NXPE2: variants seen among roughly 807,000 people sequenced by gnomAD.
NXPE2 encodes the protein neurexophilin and PC-esterase domain family member 2, also known as NXPE family member 2.
Under a neutral mutation model 34.4 loss-of-function variants are expected in NXPE2, and 34 were observed. The ratio of observed to expected loss-of-function variants is 0.99; its 90% CI spans 0.75 to 1.31. The LOEUF is 1.31. Ranked by LOEUF, NXPE2 falls within the 40% of genes most tolerant of loss-of-function variation. The probability of loss-of-function intolerance (pLI) is 0.00; values close to 1 mark genes in which losing one functional copy is unlikely to be tolerated. For synonymous variants in NXPE2, 235 were observed against 231.3 expected, an observed-to-expected ratio of 1.02 and a Z score of -0.15; for missense variants, 649 against 672.5, an observed-to-expected ratio of 0.97 and a Z score of 0.39.
chr11:114,470,582 C>CGTGTGT, the NXPE2 span, among the ~76,000 whole-genome samples: 7,159 of 144,812 alleles, frequency 0.049, 223 homozygotes, highest in Middle Eastern at 0.078. Flanking sequence ...AAAGAATTGA[C>CGTGTGT]GTGTGTGTGT....
chr11:114,510,693 T>C, the NXPE2 span, among the ~76,000 whole-genome samples: 363 of 152,292 alleles, frequency 2.4e-3, 1 homozygote, highest in Non-Finnish European at 3.9e-3. Flanking sequence ...CTGGGAAAGA[T>C]TTCTGCAGGC....
the NXPE2 span, among the ~76,000 whole-genome samples, chr11:114,728,843 T>C: frequency 1.3e-5 from 2 of 152,216 alleles, no homozygotes; most frequent in South Asian, 4.1e-4. Context: ...TATAGATCAA[T>C]GAGATACAAT....
the NXPE2 span, among the ~76,000 whole-genome samples, chr11:114,613,866 C>T: frequency 6.6e-6 from 1 of 151,820 alleles, no homozygotes; most frequent in Non-Finnish European, 1.5e-5. Context: ...TAATAGGTAA[C>T]CACTTTTGCC....
chr11:114,697,751 G>T (rs1184039380), intron 2 of NXPE2, among the ~76,000 whole-genome samples: 1 of 152,158 alleles, frequency 6.6e-6, no homozygotes. Context: ...TGAGGGGATA[G>T]CAAAAGGAAA....
At chr11:114,635,320 C>T in the NXPE2 span, among the ~76,000 whole-genome samples, 2 of 149,702 alleles carry the variant, frequency 1.3e-5, no homozygotes, top group Non-Finnish European at 3.0e-5. Flanking sequence ...ATTTTGTATC[C>T]TGAGACTTTG....
chr11:114,600,946 C>A, the NXPE2 span, among the ~76,000 whole-genome samples: 1 of 151,960 alleles, frequency 6.6e-6, no homozygotes, highest in Non-Finnish European at 1.5e-5. Flanking sequence ...TGAAATGATT[C>A]AGTTTCCACA....
At chr11:114,724,865 C>G in the NXPE2 span, among the ~76,000 whole-genome samples, 1 of 145,290 alleles carries the variant, frequency 6.9e-6, no homozygotes, top group Non-Finnish European at 1.5e-5. Flanking sequence ...TTTTAACCCT[C>G]CACGTAATAT....
the NXPE2 span, among the ~76,000 whole-genome samples, chr11:114,569,812 C>T: frequency 6.6e-6 from 1 of 152,248 alleles, no homozygotes; most frequent in South Asian, 2.1e-4. Context: ...TTAAAATCCT[C>T]TTAAAGCTGC....
At chr11:114,551,380 T>A in the NXPE2 span, 1 of 1,386,738 alleles carries the variant, frequency 7.2e-7, no homozygotes, top group Non-Finnish European at 9.3e-7. Context: ...TCCCTTTGTC[T>A]ACCTATTGGA....
At chr11:114,607,650 A>G in the NXPE2 span, among the ~76,000 whole-genome samples, 2 of 151,404 alleles carry the variant, frequency 1.3e-5, no homozygotes, top group South Asian at 4.2e-4. Flanking sequence ...GCGGTTAACC[A>G]CTCTTACACA....
At chr11:114,773,196 C>T in the NXPE2 span, among the ~76,000 whole-genome samples, 1 of 151,824 alleles carries the variant, frequency 6.6e-6, no homozygotes, top group African/African-American at 2.4e-5. Flanking sequence ...CCTCTGTTCT[C>T]ATCCTAGGCT....
chr11:114,720,687 A>G, the NXPE2 span, among the ~76,000 whole-genome samples: 13 of 152,364 alleles, frequency 8.5e-5, no homozygotes, highest in African/African-American at 3.1e-4. Context: ...ATGTGTTGAA[A>G]TGATTATAGG....
chr11:114,661,962 C>T, the NXPE2 span, among the ~76,000 whole-genome samples: 1 of 152,092 alleles, frequency 6.6e-6, no homozygotes, highest in Non-Finnish European at 1.5e-5. Flanking sequence ...GTAAAAGGAC[C>T]TGTAGGAGGT....
the NXPE2 span, among the ~76,000 whole-genome samples, chr11:114,635,464 C>T: frequency 9.2e-5 from 14 of 151,812 alleles, no homozygotes; most frequent in Non-Finnish European, 1.9e-4. Context: ...ATTTCCTTCT[C>T]CTGCGTAATT....
At chr11:114,691,132 G>A (rs1458550827) in intron 2 of NXPE2, among the ~76,000 whole-genome samples, 1 of 152,100 alleles carries the variant, frequency 6.6e-6, no homozygotes, top group Non-Finnish European at 1.5e-5. Flanking sequence ...ATCCTTTGGA[G>A]GTGATGAAAC....
At chr11:114,745,375 T>C in the NXPE2 span, among the ~76,000 whole-genome samples, 4 of 152,132 alleles carry the variant, frequency 2.6e-5, no homozygotes, top group East Asian at 7.7e-4. Flanking sequence ...GCAGAGGAGA[T>C]GCCAGGTTAT....
the NXPE2 span, among the ~76,000 whole-genome samples, chr11:114,672,749 C>T: frequency 6.6e-6 from 1 of 151,754 alleles, no homozygotes; most frequent in African/African-American, 2.4e-5. Flanking sequence ...GTCAATACAT[C>T]AGGGAGATAT....
At chr11:114,775,476 A>G in the NXPE2 span, among the ~76,000 whole-genome samples, 4 of 152,218 alleles carry the variant, frequency 2.6e-5, no homozygotes, top group South Asian at 2.1e-4. Flanking sequence ...TGCATCTCCA[A>G]AGGGCTCCTG....
At chr11:114,527,850 A>G in the NXPE2 span, 7 of 1,606,880 alleles carry the variant, frequency 4.4e-6, no homozygotes, top group Middle Eastern at 1.7e-4. Context: ...TGTTACAATT[A>G]GTGACATCAA....
Sources: allele counts gnomAD v4.1 joint callset (sites outside exome capture counted in the v4.1 genomes callset), GRCh38; gene constraint gnomAD v4.1.1; transcripts MANE v1.5; gene names NCBI Gene and HGNC (gene_info 2026-07-23, HGNC 2026-07-21).